Variants in CDK7 observed in about 807,000 individuals in gnomAD.
The protein encoded by CDK7 is cyclin-dependent kinase 7.
Under a neutral mutation model 49.1 loss-of-function variants are expected in CDK7, and 25 were observed. The observed-to-expected ratio is 0.51, with a 90% CI of 0.37 to 0.71. CDK7 has a LOEUF of 0.71. Among genes scored for constraint, CDK7 ranks in the 30% least tolerant of loss-of-function variants. The pLI, the probability that CDK7 is intolerant of heterozygous loss-of-function variation, is 0.00. For missense variants in CDK7, 316 were observed against 411.7 expected (o/e 0.77, Z 2.01); for synonymous variants, 107 against 140.0 (o/e 0.76, Z 1.67).
chr5:69,265,193 A>C (rs1191728128), intron 8 of CDK7, among the ~76,000 whole-genome samples: 1 of 152,000 alleles, frequency 6.6e-6, no homozygotes, highest in Non-Finnish European at 1.5e-5. Context: ...TGAACCTGGG[A>C]GGTAGAGCTT....
At chr5:69,249,269 A>AGTG (rs1282275488) in intron 2 of CDK7, among the ~76,000 whole-genome samples, 1 of 152,070 alleles carries the variant, frequency 6.6e-6, no homozygotes, top group Non-Finnish European at 1.5e-5. Context: ...GGCTGGACAC[A>AGTG]GTGGCTCATG....
intron 2 of CDK7, among the ~76,000 whole-genome samples, chr5:69,246,929 T>C (rs1406266719): frequency 6.6e-6 from 1 of 152,218 alleles, no homozygotes; most frequent in African/African-American, 2.4e-5. Flanking sequence ...TGTTATTGAT[T>C]TCTGGTTTTA....
chr5:69,254,393 G>A (rs1284647832), intron 3 of CDK7, among the ~76,000 whole-genome samples: 6 of 151,556 alleles, frequency 4.0e-5, no homozygotes, highest in Admixed American at 1.3e-4. Context: ...GTGGTGGCGC[G>A]TGCCTGTAAT....
chr5:69,241,735 C>A (rs959622494), intron 2 of CDK7, among the ~76,000 whole-genome samples: 1 of 152,138 alleles, frequency 6.6e-6, no homozygotes, highest in Non-Finnish European at 1.5e-5. Context: ...TCAGATCTTT[C>A]GCCCATTTTT....
chr5:69,276,579 C>T lies in CDK7; in HGVS notation c.901C>T (p.Pro301Ser). The change falls in exon 11 of 12, where the codon CCA becomes TCA. Residue 301 changes from proline (P) to serine (S), a missense_variant. Physicochemically the swap from Pro to Ser is moderately conservative, Grantham distance 74 (BLOSUM62 -1). Coordinates refer to ENST00000256443, the MANE Select transcript of CDK7 (RefSeq NM_001799.4). ...KMKYFSNRPG[P>S]TPGCQLPRPN... ...GAAGTATTTCAGTAATCGGCCAGGG[C>T]CAACACCTGGATGTCAGCTGCCAAG... 6.2e-7 allele frequency: 1 copy of T among 1,613,462 alleles called. No homozygotes were observed. Among genetic ancestry groups the T allele is most frequent in the Non-Finnish European group, 8.5e-7 (1 of 1,179,940 alleles).
At chr5:69,250,328 T>A (rs978900466) in intron 2 of CDK7, among the ~76,000 whole-genome samples, 19 of 152,344 alleles carry the variant, frequency 1.2e-4, no homozygotes, top group Admixed American at 5.9e-4. Context: ...GTAGTTCTTA[T>A]AGACTTATAG....
intron 9 of CDK7, among the ~76,000 whole-genome samples, chr5:69,271,013 A>G (rs1751487768): frequency 6.6e-6 from 1 of 152,208 alleles, no homozygotes; most frequent in African/African-American, 2.4e-5. Context: ...CTTGAGTCAT[A>G]TGGTAGTTAC....
upstream of CDK7, chr5:69,234,807 G>T: frequency 1.5e-6 from 1 of 661,872 alleles, no homozygotes; most frequent in South Asian, 1.9e-5. Context: ...AACGCCAACC[G>T]CCTGGGCCTA....
At chr5:69,260,604 CCTT>C (rs780483361) in intron 7 of CDK7, among the ~76,000 whole-genome samples, 1 of 152,030 alleles carries the variant, frequency 6.6e-6, no homozygotes, top group Non-Finnish European at 1.5e-5. Flanking sequence ...GATTCTGTAT[CCTT>C]CTATGTAAAT....
intron 8 of CDK7, among the ~76,000 whole-genome samples, chr5:69,268,688 TAA>T (rs1477085664): frequency 6.6e-6 from 1 of 150,796 alleles, no homozygotes; most frequent in East Asian, 2.0e-4. Context: ...CCATCTCTAC[TAA>T]AAATACAAAA....
intron 10 of CDK7, among the ~76,000 whole-genome samples, chr5:69,273,407 C>T (rs1289015416): frequency 6.6e-6 from 1 of 152,082 alleles, no homozygotes; most frequent in Non-Finnish European, 1.5e-5. Flanking sequence ...TCATTTAAAT[C>T]TTGTAGCAAT....
intron 8 of CDK7, among the ~76,000 whole-genome samples, chr5:69,264,100 T>C (rs555483593): frequency 1.3e-5 from 2 of 152,260 alleles, no homozygotes; most frequent in East Asian, 3.9e-4. Context: ...TAATGAATAC[T>C]TCCAAAATGA....
Position 69,276,460 on chromosome 5 carries a change from C to T in CDK7, c.865-83C>T, listed in dbSNP as rs1752149673. The T allele has an allele frequency of 3.3e-6, 4 of 1,229,258 alleles. No homozygotes were observed. In the South Asian group the frequency reaches 5.0e-5, roughly 15 times the overall value. The allele number at this position is 1,229,258 out of a possible 1,614,324, so 76.1% of individuals were successfully genotyped here. ...GCATTCACATAGTATTTTTAATGCT[C>T]CCTATAATCTTGAAGGTAAGATTTT... is the stretch of plus-strand genomic sequence containing the variant. On this transcript the variant is annotated intron_variant, in intron 10 of 11. Coordinates refer to ENST00000256443, the MANE Select transcript of CDK7 (RefSeq NM_001799.4).
intron 2 of CDK7, among the ~76,000 whole-genome samples, chr5:69,247,621 C>T (rs1561351820): frequency 6.6e-6 from 1 of 151,640 alleles, no homozygotes; most frequent in Non-Finnish European, 1.5e-5. Context: ...CATTTTCTTA[C>T]TTGTTTTCTG....
At chr5:69,265,350 A>G (rs944065111) in intron 8 of CDK7, among the ~76,000 whole-genome samples, 23 of 152,294 alleles carry the variant, frequency 1.5e-4, no homozygotes, top group Middle Eastern at 6.8e-3. Context: ...GCATGAAAAA[A>G]AAAAACCTGT....
In CDK7 at chr5:69,257,800, G is replaced by A. The variant is rs372271223; in HGVS notation, c.298-243G>A. 7.2e-5 allele frequency among the ~76,000 whole-genome samples: 11 copies of A among 152,302 alleles called. No individual in the cohort carries two copies. The East Asian group carries it at 1.7e-3, about 24-fold the overall frequency. ...CAGAAGATGCAAGCAGAAACAACAG[G>A]TGTTTGCTACTTTCATGCGAAAGCA... On this transcript the variant is annotated intron_variant, in intron 5 of 11. Transcript: ENST00000256443.
At position 69,255,486 on chromosome 5, in the gene CDK7, TA is replaced by T; in HGVS notation, c.257del (p.Asn86IlefsTer13). On this transcript the variant is annotated frameshift_variant, in exon 5 of 12. Transcript: ENST00000256443. LOFTEE classifies it high-confidence loss of function. ...TCCTTGATGCTTTTGGACATAAATC[TA>T]ATATTAGCCTTGTCTTTGATTTTAT... ...GLLDAFGHKSNISLVFDFMET... is the reference protein window; with the variant it reads ...GLLDAFGHKSXISLVFDFMET... The T allele has an allele frequency of 6.3e-7, 1 of 1,578,964 alleles. No homozygotes were observed. The highest frequency in any genetic ancestry group is 8.6e-7 in the Non-Finnish European group (1 of 1,161,662).
At chr5:69,240,579 CTA>C (rs766667236) in intron 2 of CDK7, among the ~76,000 whole-genome samples, 1 of 152,180 alleles carries the variant, frequency 6.6e-6, no homozygotes, top group African/African-American at 2.4e-5. Flanking sequence ...TGAAATTACT[CTA>C]TTTTTTATTA....
intron 2 of CDK7, among the ~76,000 whole-genome samples, chr5:69,237,778 CCT>C (rs773471005): frequency 2.6e-4 from 39 of 152,116 alleles, no homozygotes; most frequent in Non-Finnish European, 5.3e-4. Flanking sequence ...TGGCGAAACC[CCT>C]GTCTCTACTA....
Sources: gnomAD v4.1 joint callset for allele counts (sites outside exome capture counted in the v4.1 genomes callset) on GRCh38, gnomAD v4.1.1 for gene constraint, MANE v1.5 for transcripts, NCBI Gene and HGNC (gene_info 2026-07-23, HGNC 2026-07-21) for gene names.